The following PACRG variants were observed in gnomAD, a reference collection of about 807,000 sequenced individuals.
PACRG encodes the protein parkin coregulated gene protein.
In PACRG, 29 loss-of-function variants were observed where a neutral mutation model predicts 29.7. That is an observed-to-expected ratio of 0.98 (90% CI 0.73 to 1.33). The LOEUF is 1.33. Among genes scored for constraint, PACRG ranks in the 40% most tolerant of loss-of-function variants. The probability of loss-of-function intolerance (pLI) is 0.00; values close to 1 mark genes in which losing one functional copy is unlikely to be tolerated. For synonymous variants in PACRG, 116 were observed against 118.7 expected (o/e 0.98, Z 0.15); for missense variants, 279 against 316.2 (o/e 0.88, Z 0.89).
intron 4 of PACRG, among the ~76,000 whole-genome samples, chr6:163,142,856 T>G (rs1777606449): frequency 6.6e-6 from 1 of 152,108 alleles, no homozygotes; most frequent in African/African-American, 2.4e-5. Flanking sequence ...CAAACCCAAC[T>G]GAAGAAATTC....
intron 1 of PACRG, among the ~76,000 whole-genome samples, chr6:162,750,860 A>G (rs557361038): frequency 3.9e-5 from 6 of 152,318 alleles, no homozygotes; most frequent in African/African-American, 9.6e-5. Context: ...GTCCTGTCCT[A>G]TAAACCAGAC....
At chr6:162,967,199 A>C (rs1043230741) in intron 2 of PACRG, among the ~76,000 whole-genome samples, 2 of 152,132 alleles carry the variant, frequency 1.3e-5, no homozygotes, top group Non-Finnish European at 2.9e-5. Context: ...TGAAATGAAG[A>C]AGCAGATATT....
chr6:163,094,116 C>A (rs79237526), intron 4 of PACRG, among the ~76,000 whole-genome samples: 1,542 of 152,258 alleles, frequency 0.01, 33 homozygotes, highest in African/African-American at 0.036. Flanking sequence ...TCTTTTCAAA[C>A]GTTGATGAAC....
chr6:163,103,522 T>A (rs549605436), intron 4 of PACRG, among the ~76,000 whole-genome samples: 2 of 152,370 alleles, frequency 1.3e-5, no homozygotes, highest in African/African-American at 4.8e-5. Context: ...GTTCCACTTT[T>A]TTTTTGTTAC....
In PACRG at chr6:163,126,176, T is replaced by G. The variant is rs541905536; in HGVS notation, c.613+36768T>G. Among the ~76,000 whole-genome samples the G allele has an allele frequency of 1.1e-3, 164 of 152,328 alleles. 1 individual carries two copies. Among genetic ancestry groups the G allele is most frequent in the African/African-American group, 3.5e-3 (147 of 41,572 alleles). ...TCAGGGGATTGCTGGGATGATAAATTTTTATTTCAAACAAAGTATGCCAAA... is the reference window on the plus strand; with the variant it reads ...TCAGGGGATTGCTGGGATGATAAATGTTTATTTCAAACAAAGTATGCCAAA... On this transcript the variant is annotated intron_variant, in intron 4 of 4. Coordinates refer to ENST00000366888, the MANE Select transcript of PACRG (RefSeq NM_001080379.2).
chr6:163,087,144 G>T (rs909651269), intron 3 of PACRG, among the ~76,000 whole-genome samples: 3 of 152,152 alleles, frequency 2.0e-5, no homozygotes, highest in Admixed American at 1.3e-4. Context: ...TCCAGTGAAT[G>T]GGTCCCAAGG....
At chr6:163,143,070 T>A (rs1264960536) in intron 4 of PACRG, among the ~76,000 whole-genome samples, 1 of 152,152 alleles carries the variant, frequency 6.6e-6, no homozygotes, top group Non-Finnish European at 1.5e-5. Context: ...TTAAAAGGAA[T>A]ATGTTAACGT....
chr6:162,877,927 A>G (rs970925161), intron 2 of PACRG, among the ~76,000 whole-genome samples: 1 of 152,330 alleles, frequency 6.6e-6, no homozygotes, highest in Admixed American at 6.5e-5. Context: ...TTAGATAGCA[A>G]CGGTCACCAT....
intron 2 of PACRG, among the ~76,000 whole-genome samples, chr6:163,059,327 G>C (rs1052879448): frequency 6.6e-6 from 1 of 152,030 alleles, no homozygotes; most frequent in East Asian, 1.9e-4. Context: ...CAGGTACTCA[G>C]TATTTATTGT....
At chr6:163,039,032 G>A (rs1808454996) in intron 2 of PACRG, among the ~76,000 whole-genome samples, 1 of 152,186 alleles carries the variant, frequency 6.6e-6, no homozygotes, top group Admixed American at 6.5e-5. Flanking sequence ...AACTCAAACT[G>A]TTATCCCTGT....
chr6:163,168,738 C>G (rs1048402664), intron 4 of PACRG, among the ~76,000 whole-genome samples: 2 of 151,716 alleles, frequency 1.3e-5, no homozygotes, highest in Non-Finnish European at 2.9e-5. Flanking sequence ...TTCTTTTATT[C>G]CTGTGAACCA....
At chr6:162,869,813 G>C (rs1171365152) in intron 2 of PACRG, among the ~76,000 whole-genome samples, 3 of 152,112 alleles carry the variant, frequency 2.0e-5, no homozygotes, top group Non-Finnish European at 4.4e-5. Flanking sequence ...TATTATTACT[G>C]TGAAACTAAT....
At chr6:163,296,158 A>G (rs538814303) in intron 4 of PACRG, among the ~76,000 whole-genome samples, 33 of 152,346 alleles carry the variant, frequency 2.2e-4, no homozygotes, top group African/African-American at 6.0e-4. Context: ...CTAATTTGCT[A>G]TCTTATAGTG....
At chr6:163,108,153 G>T (rs190418602) in intron 4 of PACRG, among the ~76,000 whole-genome samples, 1 of 152,220 alleles carries the variant, frequency 6.6e-6, no homozygotes, top group East Asian at 1.9e-4. Context: ...GGAGGTGATT[G>T]GATCACTGGG....
At chr6:162,822,345 G>A (rs565162259) in intron 2 of PACRG, among the ~76,000 whole-genome samples, 57 of 152,278 alleles carry the variant, frequency 3.7e-4, no homozygotes, top group Non-Finnish European at 6.6e-4. Context: ...GCCCAACCAC[G>A]TAAGCAGGCT....
intron 2 of PACRG, among the ~76,000 whole-genome samples, chr6:162,964,668 A>G (rs1800885613): frequency 6.6e-6 from 1 of 152,174 alleles, no homozygotes; most frequent in Non-Finnish European, 1.5e-5. Flanking sequence ...GAGCTCTTGG[A>G]AGAAGGAAGC....
At chr6:163,308,059 T>C (rs1159640623) in intron 4 of PACRG, among the ~76,000 whole-genome samples, 1 of 152,230 alleles carries the variant, frequency 6.6e-6, no homozygotes, top group Non-Finnish European at 1.5e-5. Flanking sequence ...AAACAAATGG[T>C]GACAATTTAA....
In PACRG at chr6:162,728,388, A is replaced by C. The variant is rs1356078628; in HGVS notation, c.153A>C (p.Ser51=). ...GFTVKAMMKN[S]VVRGPPAAGA... ...CAGTCAAAGCCATGATGAAAAACTC[A>C]GTCGTAAGTGATCTTCCTGAATTAA... Residue 51 remains serine, a synonymous_variant, in exon 1 of 5, where the codon TCA becomes TCC. Transcript: ENST00000366888. 19 of 1,611,606 alleles carry C rather than the reference A, an allele frequency of 1.2e-5. No homozygotes were observed. The highest frequency in any genetic ancestry group is 2.2e-5 in the East Asian group (1 of 44,854).
chr6:163,050,749 A>C (rs773871495), intron 2 of PACRG, among the ~76,000 whole-genome samples: 1 of 152,222 alleles, frequency 6.6e-6, no homozygotes, highest in Non-Finnish European at 1.5e-5. Context: ...TTAATGAGAC[A>C]TGTAATTTCC....
Sources: gnomAD v4.1 joint callset for allele counts (sites outside exome capture counted in the v4.1 genomes callset) on GRCh38, gnomAD v4.1.1 for gene constraint, MANE v1.5 for transcripts, NCBI Gene and HGNC (gene_info 2026-07-23, HGNC 2026-07-21) for gene names.